Variants in MUC4 observed in about 807,000 individuals in gnomAD.
The protein encoded by MUC4 is mucin 4, cell surface associated.
In MUC4, 202 loss-of-function variants were observed where a neutral mutation model predicts 257.9. The observed-to-expected ratio is 0.78, with a 90% confidence interval of 0.70 to 0.88. The LOEUF (loss-of-function observed/expected upper bound fraction) is 0.88, where lower values mean the gene tolerates loss of function less well. MUC4 is among the 40% of genes least tolerant of loss of function. MUC4 has a pLI of 0.00. For synonymous variants in MUC4, 2,351 were observed against 2,757.1 expected (o/e 0.85, Z 4.62); for missense variants, 5,976 against 6,513.7 (o/e 0.92, Z 2.84).
chr3:195,779,458 G>T lies in MUC4; in HGVS notation c.12122C>A (p.Ala4041Glu), dbSNP rs146448745. ...TPVPVTSTSSASTGDTTPLPV... is the reference protein window; with the variant it reads ...TPVPVTSTSSESTGDTTPLPV... ...AAGAGGGGTGGTGTCACCTGTGGATGCTGAGGAAGTGCTGGTGACAGGAAC... is the reference window on the plus strand; with the variant it reads ...AAGAGGGGTGGTGTCACCTGTGGATTCTGAGGAAGTGCTGGTGACAGGAAC... Residue 4041 changes from alanine to glutamate, a missense_variant, in exon 2 of 25, where the codon GCA (alanine) becomes GAA (glutamate). This residue lies in a region of MUC4 where 293 missense variants were observed against 294.5 expected (regional missense o/e 1.00). Coordinates refer to ENST00000463781, the MANE Select transcript of MUC4 (RefSeq NM_018406.7). The T allele has an allele frequency of 1.8e-5, 20 of 1,108,072 alleles. 2 individuals are homozygous for T. The highest frequency in any genetic ancestry group is 1.1e-4 in the African/African-American group (5 of 47,498). The allele number at this position is 1,108,072 out of a possible 1,614,324, so 68.6% of individuals were successfully genotyped here.
intron 3 of MUC4, among the ~76,000 whole-genome samples, chr3:195,775,652 A>T (rs1724382872): frequency 1.7e-5 from 1 of 59,422 alleles, no homozygotes; most frequent in African/African-American, 1.1e-4. Context: ...TTCCACAGTC[A>T]TACCTTCCAC....
In MUC4 at chr3:195,790,156, A is replaced by C; in HGVS notation, c.1424T>G (p.Val475Gly). The change falls in exon 2 of 25, where the codon GTG (valine) becomes GGG (glycine). Residue 475 changes from valine (V) to glycine (G), a missense_variant. Physicochemically the swap from Val to Gly is moderately radical, Grantham distance 109. This residue lies in a region of MUC4 where 1,583 missense variants were observed against 1,257.4 expected (regional missense o/e 1.26). Transcript: ENST00000463781. ...ATGTAGAGTAAATATTTCTTGAGAC[A>C]CACCTGGAGAGAATGAGCTCCTCTC... The part of the protein sequence containing the change: ...PHERSSFSPG[V>G]SQEIFTLHET... 1 of 1,614,008 alleles carries C rather than the reference A, an allele frequency of 6.2e-7. No homozygotes were observed. The highest frequency in any genetic ancestry group is 8.5e-7 in the Non-Finnish European group (1 of 1,179,904).
chr3:195,789,831 G>C lies in MUC4; in HGVS notation c.1749C>G (p.Ser583Arg), dbSNP rs567115926. 2.0e-5 allele frequency: 33 copies of C among 1,613,402 alleles called. No individual in the cohort carries two copies. In the East Asian group the frequency reaches 6.5e-4, roughly 32 times the overall value. ...TTTTTATCATCTGAGTCACACTGTAGCTTGGGCTGCTGAGAAGAGCCTCTC... is the reference window on the plus strand; with the variant it reads ...TTTTTATCATCTGAGTCACACTGTACCTTGGGCTGCTGAGAAGAGCCTCTC... The part of the protein sequence containing the change: ...TTGEALLSSP[S>R]YSVTQMIKTA... Residue 583 changes from serine to arginine, a missense_variant, in exon 2 of 25, where the codon AGC (serine) becomes AGG (arginine). Physicochemically the swap from Ser to Arg is moderately radical, Grantham distance 110. Transcript: ENST00000463781.
In MUC4 at chr3:195,788,857, G is replaced by T. The variant is rs761530253; in HGVS notation, c.2723C>A (p.Ala908Asp). The T allele has an allele frequency of 1.3e-5, 21 of 1,613,778 alleles. No individual in the cohort carries two copies. In the Admixed American group the frequency reaches 3.5e-4, roughly 27 times the overall value. ...PQETAAISRM[A>D]QTQRTRTSRG... is the part of the protein sequence containing the mutation. ...GCTGGTTCTTGTCCTCTGAGTCTGG[G>T]CCATCCGGGAAATGGCGGCTGTCTC... The change falls in exon 2 of 25, where the codon GCC becomes GAC. Residue 908 changes from alanine (A) to aspartate (D), a missense_variant. Transcript: ENST00000463781.
At position 195,782,409 on chromosome 3, in the gene MUC4, A is replaced by C. The variant is rs1248264348; in HGVS notation, c.9171T>G (p.Leu3057=). ...SSASTGHANP[L]HVTSPSSAST... ...ATGCTGAGGAAGGGCTGGTGACATG[A>C]AGAGGGTTGGCGTGACCTGTGGATG... The change falls in exon 2 of 25, where the codon CTT becomes CTG. Residue 3057 remains leucine, a synonymous_variant. Transcript: ENST00000463781. 1 of 1,396,904 alleles carries C rather than the reference A, an allele frequency of 7.2e-7. No individual in the cohort carries two copies. Among genetic ancestry groups the C allele is most frequent in the Admixed American group, 2.2e-5 (1 of 44,512 alleles). The allele number at this position is 1,396,904 out of a possible 1,614,324, so 86.5% of individuals were successfully genotyped here.
At position 195,783,928 on chromosome 3, in the gene MUC4, G is replaced by A. The variant is rs1317475470; in HGVS notation, c.7652C>T (p.Ser2551Phe). The change falls in exon 2 of 25, where the codon TCC becomes TTC. Residue 2551 changes from serine to phenylalanine, a missense_variant. Transcript: ENST00000463781. ...GGTGGCGTGACCTGTGGATGCTGAG[G>A]AAGGGCTGGTGACATGAAGAGAGGT... The part of the protein sequence containing the change: ...HATSLHVTSP[S>F]SASTGHATSL... 1.3e-6 allele frequency: 2 copies of A among 1,522,886 alleles called. No individual in the cohort carries two copies. Among genetic ancestry groups the A allele is most frequent in the South Asian group, 1.2e-5 (1 of 82,922 alleles). The allele number at this position is 1,522,886 out of a possible 1,614,324, so 94.3% of individuals were successfully genotyped here. A position where few individuals can be genotyped will look rare whatever the true frequency, so the allele number is the denominator to read the frequency against.
At chr3:195,804,163 A>T (rs938828543) in intron 1 of MUC4, among the ~76,000 whole-genome samples, 3 of 152,206 alleles carry the variant, frequency 2.0e-5, no homozygotes, top group African/African-American at 7.2e-5. Flanking sequence ...CGTTCCCCAC[A>T]TCTGAGTCCT....
In MUC4 at chr3:195,767,668, A is replaced by G. The variant is rs1232052540; in HGVS notation, c.13530-917T>C. ...CGCCACCACCACCACCACCACCATC[A>G]CCATCACCACCATCACTGGCCACCC... On this transcript the variant is annotated intron_variant, in intron 7 of 24. Coordinates refer to ENST00000463781, the MANE Select transcript of MUC4 (RefSeq NM_018406.7). Among the ~76,000 whole-genome samples the G allele has an allele frequency of 5.3e-4, 11 of 20,770 alleles. 1 individual carries two copies. The highest frequency in any genetic ancestry group is 1.1e-3 in the Admixed American group (2 of 1,866). 13.6% of individuals were successfully genotyped at this position (20,770 alleles called of 152,430 possible). A position where few individuals can be genotyped will look rare whatever the true frequency, so the allele number is the denominator to read the frequency against.
At position 195,779,931 on chromosome 3, in the gene MUC4, T is replaced by C; in HGVS notation, c.11649A>G (p.Thr3883=). ...LPVTGLSSAS[T]GDTTPLPVTD... ...TGACAGGAAGAGGGGTGGTGTCACC[T>C]GTGGAAGCTGAGGAAAGGCCGGTAA... Residue 3883 remains threonine, a synonymous_variant, in exon 2 of 25, where the codon ACA becomes ACG. Coordinates refer to ENST00000463781, the MANE Select transcript of MUC4 (RefSeq NM_018406.7). 1 of 1,448,326 alleles carries C rather than the reference T, an allele frequency of 6.9e-7. No homozygotes were observed. The highest frequency in any genetic ancestry group is 9.1e-7 in the Non-Finnish European group (1 of 1,098,852). 89.7% of individuals were successfully genotyped at this position (1,448,326 alleles called of 1,614,324 possible). A position where few individuals can be genotyped will look rare whatever the true frequency, so the allele number is the denominator to read the frequency against.
At chr3:195,802,452 G>T (rs1448712879) in intron 1 of MUC4, among the ~76,000 whole-genome samples, 2 of 119,740 alleles carry the variant, frequency 1.7e-5, no homozygotes, top group Non-Finnish European at 3.8e-5. Flanking sequence ...AGGAGGGAGG[G>T]TTGCTGCTGC....
At chr3:195,769,256 CA>C in intron 6 of MUC4, 104 bp from the exon 7 acceptor site, 1 of 1,490,932 alleles carries the variant, frequency 6.7e-7, no homozygotes, top group Non-Finnish European at 9.0e-7. Context: ...ACACGCACAG[CA>C]CCTGTTCCTG....
At position 195,806,771 on chromosome 3, in the gene MUC4, T is replaced by C. The variant is rs1046478177; in HGVS notation, c.82+4965A>G. Among the ~76,000 whole-genome samples, 4 of 152,242 alleles carry C rather than the reference T, an allele frequency of 2.6e-5. No homozygotes were observed. The East Asian group carries it at 7.7e-4, about 29-fold the overall frequency. ...TCCCAGCTGCCTCACTTATGGGTTC[T>C]ATGATCTTAAACAAGTCACTTAACT... On this transcript the variant is annotated intron_variant, in intron 1 of 24. Transcript: ENST00000463781.
At position 195,782,004 on chromosome 3, in the gene MUC4, T is replaced by A. The variant is rs1426898514; in HGVS notation, c.9576A>T (p.Ser3192=). The A allele has an allele frequency of 6.6e-7, 1 of 1,511,130 alleles. No individual in the cohort carries two copies. Among genetic ancestry groups the A allele is most frequent in the South Asian group, 1.2e-5 (1 of 82,626 alleles). 93.6% of individuals were successfully genotyped at this position (1,511,130 alleles called of 1,614,324 possible). A position where few individuals can be genotyped will look rare whatever the true frequency, so the allele number is the denominator to read the frequency against. ...TTPLPVTSPS[S]ASTGHATPLL... is the part of the protein sequence containing the mutation. ...GAGGAGTGGCGTGACCTGTGGATGC[T>A]GAGGAAGGGCTAGTGACAGGAAGAG... The change falls in exon 2 of 25, where the codon TCA becomes TCT. Residue 3192 remains serine, a synonymous_variant. Coordinates refer to ENST00000463781, the MANE Select transcript of MUC4 (RefSeq NM_018406.7).
intron 13 of MUC4, among the ~76,000 whole-genome samples, chr3:195,762,550 AC>A (rs1719314322): frequency 1.3e-4 from 18 of 138,310 alleles, no homozygotes; most frequent in African/African-American, 4.4e-4. Flanking sequence ...ACCGCAACGC[AC>A]CCGGCCCTGC....
chr3:195,788,657 T>G lies in MUC4; in HGVS notation c.2923A>C (p.Thr975Pro). The change falls in exon 2 of 25, where the codon ACC becomes CCC. Residue 975 changes from threonine to proline, a missense_variant. Transcript: ENST00000463781. Reference protein sequence around the residue: ...TFTTALISNATPLPVTYASSA... With the variant: ...TFTTALISNAPPLPVTYASSA... ...GAAGCGTAGGTGACAGGAAGAGGGGTGGCGTTGCTGATGAGGGCCGTGGTG... is the reference window on the plus strand; with the variant it reads ...GAAGCGTAGGTGACAGGAAGAGGGGGGGCGTTGCTGATGAGGGCCGTGGTG... 6.2e-7 allele frequency: 1 copy of G among 1,611,008 alleles called. No individual in the cohort carries two copies. Among genetic ancestry groups the G allele is most frequent in the Non-Finnish European group, 8.5e-7 (1 of 1,178,586 alleles).
In MUC4 at chr3:195,764,135, A is replaced by G. The variant is rs905822213; in HGVS notation, c.13954T>C (p.Cys4652Arg). 1 of 1,584,720 alleles carries G rather than the reference A, an allele frequency of 6.3e-7. No individual in the cohort carries two copies. Among genetic ancestry groups the G allele is most frequent in the Non-Finnish European group, 8.6e-7 (1 of 1,165,810 alleles). ...AQELEPQSWCCRWNDKPYLCA... is the reference protein window; with the variant it reads ...AQELEPQSWCRRWNDKPYLCA... ...AGGTAGGGCTTGTCATTCCAGCGGCAGCACCAGCTCTGTGGCTCCAGTTCC... is the reference window on the plus strand; with the variant it reads ...AGGTAGGGCTTGTCATTCCAGCGGCGGCACCAGCTCTGTGGCTCCAGTTCC... The change falls in exon 11 of 25, where the codon TGC becomes CGC. Residue 4652 changes from cysteine to arginine, a missense_variant. Transcript: ENST00000463781.
intron 7 of MUC4, among the ~76,000 whole-genome samples, chr3:195,767,662 A>ATTG (rs1284920472): frequency 1.6e-5 from 1 of 64,164 alleles, no homozygotes; most frequent in Non-Finnish European, 2.6e-5. Flanking sequence ...CACCACCACC[A>ATTG]CCATCACCAT....
In MUC4 at chr3:195,760,879, C is replaced by T; in HGVS notation, c.14848+5G>A. 1 of 1,613,772 alleles carries T rather than the reference C, an allele frequency of 6.2e-7. No homozygotes were observed. ...AAAGGCCTCCCCAGGCCTCGGGCCA[C>T]TTACTGAGGGTGGCGTTCGCCTGCT... is the stretch of plus-strand genomic sequence containing the variant. On this transcript the variant is annotated splice_donor_5th_base_variant and intron_variant, in intron 16 of 24. Transcript: ENST00000463781.
At position 195,811,775 on chromosome 3, in the gene MUC4, T is replaced by C. The variant is rs1736781728; in HGVS notation, c.43A>G (p.Ser15Gly). The C allele has an allele frequency of 6.2e-7, 1 of 1,613,962 alleles. No homozygotes were observed. Among genetic ancestry groups the C allele is most frequent in the Non-Finnish European group, 8.5e-7 (1 of 1,179,968 alleles). The change falls in exon 1 of 25, where the codon AGC (serine) becomes GGC (glycine). Residue 15 changes from serine to glycine, a missense_variant. Physicochemically the swap from Ser to Gly is moderately conservative, Grantham distance 56 (BLOSUM62 0). Transcript: ENST00000463781. ...RWRRVPWVSL[S>G]CLCLCLLPHV... ...GGAAGGAGGCAGAGACACAGGCAGCTCAGGGACACCCAGGGGACCCTCCTC... is the reference window on the plus strand; with the variant it reads ...GGAAGGAGGCAGAGACACAGGCAGCCCAGGGACACCCAGGGGACCCTCCTC...
Sources: allele counts gnomAD v4.1 joint callset (sites outside exome capture counted in the v4.1 genomes callset), GRCh38; gene constraint gnomAD v4.1.1; regional missense constraint gnomAD v4.1.1; transcripts MANE v1.5; gene names NCBI Gene and HGNC (gene_info 2026-07-23, HGNC 2026-07-21).